Variants in TENM1 observed in about 807,000 individuals in gnomAD.
The protein encoded by TENM1 is teneurin-1.
In TENM1, 35 loss-of-function variants were observed where a neutral mutation model predicts 174.8. The ratio of observed to expected loss-of-function variants is 0.20; its 90% CI spans 0.15 to 0.27. The LOEUF is 0.27. Among genes scored for constraint, TENM1 ranks in the 10% least tolerant of loss-of-function variants. The pLI is 1.00. For missense variants in TENM1, 1,633 were observed against 2,130.1 expected (o/e 0.77, Z 4.59); for synonymous variants, 781 against 798.7 (o/e 0.98, Z 0.37).
chrX:124,702,433 T>A (rs192729530), intron 5 of TENM1, among the ~76,000 whole-genome samples: 1 of 112,131 alleles, frequency 8.9e-6, no homozygotes, highest in African/African-American at 3.2e-5. Flanking sequence ...CAAGTTACTG[T>A]GCCAGCATTT....
At chrX:124,753,793 A>C (rs1376552326) in intron 3 of TENM1, among the ~76,000 whole-genome samples, 4 of 111,765 alleles carry the variant, frequency 3.6e-5, no homozygotes, top group East Asian at 5.6e-4. Context: ...GATTACATTT[A>C]TTGATTTGCG....
intron 20 of TENM1, among the ~76,000 whole-genome samples, chrX:124,494,749 G>A (rs1206932238): frequency 9.3e-6 from 1 of 107,895 alleles, no homozygotes; most frequent in African/African-American, 3.4e-5. Flanking sequence ...ACCTATGAGT[G>A]AGAATATGCG....
chrX:124,671,739 A>G (rs2213591), exon 6 of TENM1: 31,339 of 1,208,543 alleles, frequency 0.026, 1,111 homozygotes, highest in African/African-American at 0.21. Context: ...AGTAGTGTCC[A>G]TGGACTCGGT....
At chrX:124,626,793 G>A (rs981402618) in intron 11 of TENM1, among the ~76,000 whole-genome samples, 1 of 111,618 alleles carries the variant, frequency 9.0e-6, no homozygotes, top group African/African-American at 3.3e-5. Flanking sequence ...AGAGGGAGAT[G>A]CAATAACCCA....
the TENM1 span, among the ~76,000 whole-genome samples, chrX:125,182,872 T>G: frequency 3.6e-5 from 4 of 111,634 alleles, no homozygotes; most frequent in South Asian, 1.5e-3. Flanking sequence ...TCTTGAAAAA[T>G]GAATCTACTG....
chrX:124,552,172 G>A (rs1338523322), intron 14 of TENM1, among the ~76,000 whole-genome samples: 4 of 112,068 alleles, frequency 3.6e-5, no homozygotes, highest in Non-Finnish European at 7.5e-5. Flanking sequence ...GGTCTGCTGA[G>A]CAAATTAATA....
At chrX:124,434,303 A>G (rs2060811160) in intron 23 of TENM1, among the ~76,000 whole-genome samples, 1 of 111,152 alleles carries the variant, frequency 9.0e-6, no homozygotes, top group African/African-American at 3.3e-5. Flanking sequence ...GAAAGACACC[A>G]CTCTATTATA....
At chrX:124,928,654 T>TA (rs1334679422) in intron 1 of TENM1, among the ~76,000 whole-genome samples, 1 of 112,148 alleles carries the variant, frequency 8.9e-6, no homozygotes, top group Non-Finnish European at 1.9e-5. Flanking sequence ...ATGTTTAACA[T>TA]AAAAAACAAC....
intron 1 of TENM1, among the ~76,000 whole-genome samples, chrX:124,942,439 T>TC (rs772077251): frequency 9.0e-5 from 10 of 111,203 alleles, no homozygotes; most frequent in East Asian, 5.7e-4. Context: ...GATTATGCTT[T>TC]CCCCCCCGCC....
At chrX:124,503,435 C>T (rs892840304) in intron 19 of TENM1, 125 bp downstream of exon 22, 2 of 547,378 alleles carry the variant, frequency 3.7e-6, no homozygotes, top group East Asian at 3.6e-5. Context: ...ATGTTTAATG[C>T]GGTCATCTCT....
intron 11 of TENM1, among the ~76,000 whole-genome samples, chrX:124,617,697 G>A (rs1031772806): frequency 3.6e-5 from 4 of 111,668 alleles, no homozygotes; most frequent in African/African-American, 9.8e-5. Context: ...TAAATTCCTC[G>A]GAGACTTGAA....
intron 4 of TENM1, among the ~76,000 whole-genome samples, chrX:124,723,384 G>A (rs1235912375): frequency 1.8e-5 from 2 of 110,945 alleles, no homozygotes. Context: ...GTTCTCTTCC[G>A]TGATTACTTT....
chrX:124,662,183 A>T (rs916686451), intron 6 of TENM1, among the ~76,000 whole-genome samples: 2 of 111,013 alleles, frequency 1.8e-5, no homozygotes, highest in African/African-American at 6.6e-5. Flanking sequence ...AGTCTCTCGC[A>T]GTGGCTCACG....
At chrX:124,587,279 C>T (rs1157058561) in intron 11 of TENM1, among the ~76,000 whole-genome samples, 1 of 110,443 alleles carries the variant, frequency 9.1e-6, no homozygotes, top group Non-Finnish European at 1.9e-5. Flanking sequence ...TGCTACCTGA[C>T]TTCAAACTAT....
chrX:124,558,255 C>CA (rs1199771561), intron 14 of TENM1, among the ~76,000 whole-genome samples: 12 of 111,273 alleles, frequency 1.1e-4, no homozygotes, highest in Non-Finnish European at 2.1e-4. Context: ...TAACTAAAGT[C>CA]AAAGCTTCAG....
chrX:124,444,383 C>T (rs763633694), intron 23 of TENM1, among the ~76,000 whole-genome samples: 4 of 112,081 alleles, frequency 3.6e-5, no homozygotes, highest in African/African-American at 9.7e-5. Flanking sequence ...TCTGTAATTA[C>T]ATCACATCAT....
At chrX:124,815,368 T>G in intron 3 of TENM1, among the ~76,000 whole-genome samples, 1 of 112,049 alleles carries the variant, frequency 8.9e-6, no homozygotes, top group Admixed American at 9.5e-5. Context: ...TTCAGTTTTA[T>G]GGAATAAAAC....
intron 3 of TENM1, among the ~76,000 whole-genome samples, chrX:124,889,649 T>C (rs1481308539): frequency 1.8e-5 from 2 of 110,860 alleles, no homozygotes; most frequent in East Asian, 5.7e-4. Context: ...GGGTACCTAG[T>C]AGGTATATAT....
At chrX:124,669,272 C>G (rs1417785089) in intron 6 of TENM1, among the ~76,000 whole-genome samples, 3 of 111,378 alleles carry the variant, frequency 2.7e-5, no homozygotes, top group Non-Finnish European at 5.7e-5. Context: ...AATGATGGTA[C>G]AGTTAGTATT....
Sources: allele counts gnomAD v4.1 joint callset (sites outside exome capture counted in the v4.1 genomes callset), GRCh38; gene constraint gnomAD v4.1.1; transcripts MANE v1.5; gene names NCBI Gene and HGNC (gene_info 2026-07-23, HGNC 2026-07-21).